The following RGS7BP variants were observed in gnomAD, a reference collection of about 807,000 sequenced individuals.
The protein encoded by RGS7BP is regulator of G protein signaling 7 binding protein.
Under a neutral mutation model 31.3 loss-of-function variants are expected in RGS7BP, and 9 were observed. The ratio of observed to expected loss-of-function variants is 0.29; its 90% CI spans 0.17 to 0.50. The LOEUF (loss-of-function observed/expected upper bound fraction) is 0.50. Among genes scored for constraint, RGS7BP ranks in the 20% least tolerant of loss-of-function variants. The pLI, the probability that RGS7BP is intolerant of heterozygous loss-of-function variation, is 0.98. For synonymous variants in RGS7BP, 115 were observed against 120.1 expected, an observed-to-expected ratio of 0.96 and a Z score of 0.28; for missense variants, 274 against 322.0, an observed-to-expected ratio of 0.85 and a Z score of 1.14.
rs192563326 is a variant in RGS7BP, at chr5:64,517,959, A to G, written c.332+10082A>G. ...AATAAACCAAAGAAAAAATTTCATC[A>G]AGGAGTTAAAATCTGATAAACTGTT... On this transcript the variant is annotated intron_variant, in intron 2 of 5. Transcript: ENST00000334025. 1.0e-3 allele frequency among the ~76,000 whole-genome samples: 155 copies of G among 152,314 alleles called. 2 individuals carry two copies. The highest frequency in any genetic ancestry group is 3.0e-3 in the African/African-American group (125 of 41,570).
intron 2 of RGS7BP, chr5:64,539,389 A>C (rs1405997651): frequency 2.0e-5 from 3 of 152,212 alleles, no homozygotes; most frequent in Non-Finnish European, 4.4e-5. Context: ...ACTAAAATTT[A>C]CCAATTTTTG....
At chr5:64,590,505 T>A (rs1742884372) in intron 3 of RGS7BP, among the ~76,000 whole-genome samples, 1 of 152,172 alleles carries the variant, frequency 6.6e-6, no homozygotes, top group East Asian at 1.9e-4. Context: ...TTCTGTGGAT[T>A]GTTTTCTAGG....
At chr5:64,518,163 C>T (rs1027245587) in intron 2 of RGS7BP, among the ~76,000 whole-genome samples, 5 of 152,064 alleles carry the variant, frequency 3.3e-5, no homozygotes, top group Middle Eastern at 3.2e-3. Flanking sequence ...AGGTCATAAA[C>T]AGTATTTAAC....
At chr5:64,585,540 A>T (rs1000067699) in intron 3 of RGS7BP, among the ~76,000 whole-genome samples, 34 of 151,994 alleles carry the variant, frequency 2.2e-4, no homozygotes, top group African/African-American at 8.0e-4. Context: ...TGGGTGTGAT[A>T]AAGGACTCCC....
intron 2 of RGS7BP, among the ~76,000 whole-genome samples, chr5:64,544,352 G>A (rs1408786488): frequency 3.9e-5 from 6 of 152,140 alleles, no homozygotes; most frequent in Non-Finnish European, 5.9e-5. Flanking sequence ...CCCAAAGAAA[G>A]TGATATAGAT....
At chr5:64,515,105 C>T (rs542953603) in intron 2 of RGS7BP, among the ~76,000 whole-genome samples, 2 of 152,152 alleles carry the variant, frequency 1.3e-5, no homozygotes, top group South Asian at 4.1e-4. Context: ...ATCTTTGCAC[C>T]CTGAGTGGTA....
intron 3 of RGS7BP, among the ~76,000 whole-genome samples, chr5:64,582,287 A>G (rs934921781): frequency 1.3e-5 from 2 of 152,254 alleles, no homozygotes; most frequent in African/African-American, 4.8e-5. Flanking sequence ...TTCCAAGGGA[A>G]TTGAATGATC....
chr5:64,556,111 C>G (rs1003763026), intron 2 of RGS7BP, among the ~76,000 whole-genome samples: 2 of 152,112 alleles, frequency 1.3e-5, no homozygotes, highest in East Asian at 3.9e-4. Context: ...TATCAATTTA[C>G]TCTTCCATCA....
At chr5:64,518,180 T>C (rs73109049) in intron 2 of RGS7BP, among the ~76,000 whole-genome samples, 3,904 of 152,270 alleles carry the variant, frequency 0.026, 116 homozygotes, top group African/African-American at 0.077. Context: ...TAACCCATAA[T>C]TTCCAAAATT....
chr5:64,582,686 T>C lies in RGS7BP; in HGVS notation c.463+6782T>C, dbSNP rs555988300. ...TAGAGAAATGTTAAAAGTTGAAAAATCTTAATTCAGAATCTGCTGGGAGCT... is the reference window on the plus strand; with the variant it reads ...TAGAGAAATGTTAAAAGTTGAAAAACCTTAATTCAGAATCTGCTGGGAGCT... On this transcript the variant is annotated intron_variant, in intron 3 of 5. Coordinates refer to ENST00000334025, the MANE Select transcript of RGS7BP (RefSeq NM_001029875.3). 8.0e-4 allele frequency among the ~76,000 whole-genome samples: 122 copies of C among 152,290 alleles called. 1 individual carries two copies. Among genetic ancestry groups the C allele is most frequent in the African/African-American group, 2.9e-3 (120 of 41,566 alleles).
intron 2 of RGS7BP, among the ~76,000 whole-genome samples, chr5:64,525,413 G>T (rs1056955951): frequency 1.3e-5 from 2 of 152,178 alleles, no homozygotes; most frequent in Non-Finnish European, 1.5e-5. Flanking sequence ...TAGAGCTAAA[G>T]GTGTGCTGTA....
intron 2 of RGS7BP, among the ~76,000 whole-genome samples, chr5:64,509,600 G>T (rs530817884): frequency 1.3e-4 from 20 of 152,014 alleles, no homozygotes; most frequent in Non-Finnish European, 2.4e-4. Flanking sequence ...TACCCCGGCT[G>T]GTCTTAAACT....
At chr5:64,520,566 G>A (rs777578807) in intron 2 of RGS7BP, among the ~76,000 whole-genome samples, 5 of 152,214 alleles carry the variant, frequency 3.3e-5, no homozygotes, top group East Asian at 1.9e-4. Flanking sequence ...TACTCACATC[G>A]CTTCATTTGG....
At chr5:64,510,927 A>G (rs952263875) in intron 2 of RGS7BP, among the ~76,000 whole-genome samples, 1 of 152,234 alleles carries the variant, frequency 6.6e-6, no homozygotes, top group Non-Finnish European at 1.5e-5. Context: ...AAGTGTGGGA[A>G]AGGCAGGACT....
chr5:64,512,658 C>T (rs901194239), intron 2 of RGS7BP, among the ~76,000 whole-genome samples: 10 of 151,962 alleles, frequency 6.6e-5, no homozygotes, highest in African/African-American at 1.7e-4. Context: ...TTCAGATTGC[C>T]GAGATACATT....
chr5:64,564,740 G>A (rs1042104809), intron 2 of RGS7BP, among the ~76,000 whole-genome samples: 3 of 152,006 alleles, frequency 2.0e-5, no homozygotes, highest in African/African-American at 2.4e-5. Context: ...TCCTTGCGCT[G>A]TAAGCCAGCA....
chr5:64,609,239 T>C lies in RGS7BP; in HGVS notation c.761T>C (p.Leu254Pro). ...RKRRFFGLCCLISS is the reference protein window; with the variant it reads ...RKRRFFGLCCPISS ...AGAAGGTTCTTTGGGCTGTGTTGTC[T>C]CATCTCAAGCTAGGTGGCTCCTCCT... is the stretch of plus-strand genomic sequence containing the variant. Residue 254 changes from leucine to proline, a missense_variant, in exon 6 of 6, where the codon CTC becomes CCC. Transcript: ENST00000334025. 6.2e-7 allele frequency: 1 copy of C among 1,604,838 alleles called. No homozygotes were observed. Among genetic ancestry groups the C allele is most frequent in the Non-Finnish European group, 8.5e-7 (1 of 1,171,956 alleles).
At chr5:64,556,911 T>G (rs1183691040) in intron 2 of RGS7BP, among the ~76,000 whole-genome samples, 1 of 152,132 alleles carries the variant, frequency 6.6e-6, no homozygotes, top group African/African-American at 2.4e-5. Context: ...TATCTTTAAT[T>G]AGACAACATG....
chr5:64,574,404 A>G (rs1180787602), intron 2 of RGS7BP, among the ~76,000 whole-genome samples: 1 of 152,082 alleles, frequency 6.6e-6, no homozygotes, highest in African/African-American at 2.4e-5. Context: ...ATGCTCTGAA[A>G]AAAACCCCGA....
Sources: allele counts gnomAD v4.1 joint callset (sites outside exome capture counted in the v4.1 genomes callset), GRCh38; gene constraint gnomAD v4.1.1; transcripts MANE v1.5; gene names NCBI Gene and HGNC (gene_info 2026-07-23, HGNC 2026-07-21).